The following PPP1R16B variants were observed in gnomAD, a reference collection of about 807,000 sequenced individuals.
The protein encoded by PPP1R16B is protein phosphatase 1 regulatory subunit 16B.
PPP1R16B carries 14 observed loss-of-function variants against 61.7 expected under a neutral mutation model. The observed-to-expected ratio is 0.23, with a 90% confidence interval of 0.15 to 0.35. PPP1R16B has a LOEUF of 0.35. Among genes scored for constraint, PPP1R16B ranks in the 10% least tolerant of loss-of-function variants. The pLI is 1.00. For synonymous variants in PPP1R16B, 266 were observed against 305.3 expected, an observed-to-expected ratio of 0.87 and a Z score of 1.34; for missense variants, 547 against 752.5, an observed-to-expected ratio of 0.73 and a Z score of 3.19.
At chr20:38,823,388 C>A (rs1186614682) in intron 1 of PPP1R16B, among the ~76,000 whole-genome samples, 2 of 152,178 alleles carry the variant, frequency 1.3e-5, no homozygotes, top group African/African-American at 2.4e-5. Context: ...CACCTGTAAT[C>A]CCAGCACTTT....
chr20:38,887,877 C>T (rs781325156), intron 2 of PPP1R16B, among the ~76,000 whole-genome samples: 5 of 152,206 alleles, frequency 3.3e-5, no homozygotes, highest in Admixed American at 6.5e-5. Flanking sequence ...GCCTAGGGTG[C>T]AACTGGGACT....
chr20:38,809,985 GAAAAA>G (rs11086731), intron 1 of PPP1R16B, among the ~76,000 whole-genome samples: 16 of 80,150 alleles, frequency 2.0e-4, no homozygotes, highest in African/African-American at 6.5e-4. Flanking sequence ...ACCTTGTTTC[GAAAAA>G]AAAAAAAAAA....
Position 38,918,431 on chromosome 20 carries a change from C to T in PPP1R16B, c.1469C>T (p.Ala490Val), listed in dbSNP as rs1415622812. The change falls in exon 11 of 11, where the codon GCC becomes GTC. Residue 490 changes from alanine to valine, a missense_variant. Ala to Val is a moderately conservative substitution (Grantham distance 64). Coordinates refer to ENST00000299824, the MANE Select transcript of PPP1R16B (RefSeq NM_015568.4). The surrounding 1 kb of genome is among the most constrained non-coding windows in gnomAD (Gnocchi z 5.3). Reference sequence around the variant, plus strand: ...GAGCTGAAGCGGCAGCGGGCTGCAGCCAAGCTGCTCAGCCACCCCTTCCTT... The same window carrying T: ...GAGCTGAAGCGGCAGCGGGCTGCAGTCAAGCTGCTCAGCCACCCCTTCCTT... ...LLELKRQRAAAKLLSHPFLST... is the reference protein window; with the variant it reads ...LLELKRQRAAVKLLSHPFLST... The T allele has an allele frequency of 2.5e-6, 4 of 1,614,054 alleles. No individual in the cohort carries two copies. The highest frequency in any genetic ancestry group is 2.5e-6 in the Non-Finnish European group (3 of 1,180,050).
Position 38,861,673 on chromosome 20 carries a change from C to CTTTT in PPP1R16B, c.250+25516_250+25519dup, listed in dbSNP as rs869187206. ...TGGGCCCTGGCCTGCTGCAGTTCTT[C>CTTTT]TTTTTTTTTTTTTTTTTTTTTGAGA... On this transcript the variant is annotated intron_variant, in intron 2 of 10. Transcript: ENST00000299824. 2.9e-4 allele frequency among the ~76,000 whole-genome samples: 37 copies of CTTTT among 125,584 alleles called. 2 individuals carry two copies. Among genetic ancestry groups the CTTTT allele is most frequent in the African/African-American group, 6.3e-4 (20 of 31,568 alleles). The allele number at this position is 125,584 out of a possible 152,430, so 82.4% of individuals were successfully genotyped here.
intron 2 of PPP1R16B, among the ~76,000 whole-genome samples, chr20:38,860,450 A>G (rs2085041196): frequency 6.6e-6 from 1 of 152,222 alleles, no homozygotes; most frequent in Non-Finnish European, 1.5e-5. Flanking sequence ...ATGTTGATTC[A>G]GATTAGCCAT....
At chr20:38,836,606 C>G (rs2084874582) in intron 2 of PPP1R16B, among the ~76,000 whole-genome samples, 1 of 152,214 alleles carries the variant, frequency 6.6e-6, no homozygotes. Flanking sequence ...GATCTGCCCG[C>G]CATTGGTCTC....
chr20:38,817,959 G>A (rs1381372825), intron 1 of PPP1R16B, among the ~76,000 whole-genome samples: 2 of 152,154 alleles, frequency 1.3e-5, no homozygotes, highest in Non-Finnish European at 1.5e-5. Context: ...CAGGAGAAAG[G>A]CGTGAACCCG....
intron 2 of PPP1R16B, among the ~76,000 whole-genome samples, chr20:38,839,763 A>T (rs1276860855): frequency 6.6e-6 from 1 of 151,902 alleles, no homozygotes; most frequent in Non-Finnish European, 1.5e-5. Context: ...GATCTGTGCC[A>T]TTATTTTTAT....
rs1022192408 is a variant in PPP1R16B at position 38,919,021 on chromosome 20, T to C, written c.*355T>C. 21 of 165,686 alleles carry C rather than the reference T, an allele frequency of 1.3e-4. No individual in the cohort carries two copies. The highest frequency in any genetic ancestry group is 2.5e-3 in the Middle Eastern group (1 of 404). 10.3% of individuals were successfully genotyped at this position (165,686 alleles called of 1,614,324 possible). ...ACATTAACACACACACACACACACA[T>C]ATACACACACACACAAGCTCGATCA... On this transcript the variant is annotated 3_prime_UTR_variant, in exon 11 of 11. Transcript: ENST00000299824.
chr20:38,815,065 A>T (rs1013405731), intron 1 of PPP1R16B, among the ~76,000 whole-genome samples: 103 of 152,242 alleles, frequency 6.8e-4, no homozygotes, highest in African/African-American at 2.4e-3. Flanking sequence ...TATAAACTTA[A>T]GCTTTTGTTT....
intron 1 of PPP1R16B, among the ~76,000 whole-genome samples, chr20:38,822,313 C>G (rs1437148831): frequency 6.6e-6 from 1 of 151,846 alleles, no homozygotes; most frequent in Non-Finnish European, 1.5e-5. Flanking sequence ...TGTCTTTAAA[C>G]TCCTCAAATA....
chr20:38,897,126 A>G (rs894829363), intron 4 of PPP1R16B, among the ~76,000 whole-genome samples: 1 of 152,200 alleles, frequency 6.6e-6, no homozygotes, highest in African/African-American at 2.4e-5. Flanking sequence ...AGCCTGGGCA[A>G]CAAGAGCAAA....
intron 2 of PPP1R16B, among the ~76,000 whole-genome samples, chr20:38,884,479 T>C (rs1290210179): frequency 2.0e-5 from 3 of 152,104 alleles, no homozygotes; most frequent in Non-Finnish European, 4.4e-5. Context: ...AATTCTGCTG[T>C]TGGAGGGTGA....
chr20:38,810,006 AC>A lies in PPP1R16B; in HGVS notation c.-102+4215del, dbSNP rs1403516302. 2.2e-3 allele frequency among the ~76,000 whole-genome samples: 324 copies of A among 149,292 alleles called. 3 individuals are homozygous for A. The highest frequency in any genetic ancestry group is 0.01 in the Middle Eastern group (3 of 288). On this transcript the variant is annotated intron_variant, in intron 1 of 10. Transcript: ENST00000299824. The stretch of plus-strand genomic sequence containing the variant: ...TTTCGAAAAAAAAAAAAAAAAAAAA[AC>A]AAAACCAAAAAACTTAAAAACCCAG...
chr20:38,857,297 A>G (rs945247001), intron 2 of PPP1R16B, among the ~76,000 whole-genome samples: 2 of 152,214 alleles, frequency 1.3e-5, no homozygotes, highest in Non-Finnish European at 2.9e-5. Flanking sequence ...GACAGATGCC[A>G]TGTCAAGGAT....
At chr20:38,835,712 G>C (rs1421210415) in intron 1 of PPP1R16B, 113 bp from the exon 2 acceptor site, 2 of 576,012 alleles carry the variant, frequency 3.5e-6, no homozygotes, top group Non-Finnish European at 5.9e-6. Context: ...CTCTTGAGGA[G>C]CAATGGAAGG....
At chr20:38,835,136 T>C (rs1436625639) in intron 1 of PPP1R16B, among the ~76,000 whole-genome samples, 1 of 152,212 alleles carries the variant, frequency 6.6e-6, no homozygotes, top group Non-Finnish European at 1.5e-5. Flanking sequence ...AGACCACACT[T>C]TGAGAAGCAC....
At chr20:38,888,499 G>T (rs1049255718) in intron 2 of PPP1R16B, among the ~76,000 whole-genome samples, 5 of 152,192 alleles carry the variant, frequency 3.3e-5, no homozygotes, top group Non-Finnish European at 5.9e-5. Flanking sequence ...AGCAGGCTCG[G>T]AGTCATTTGG....
intron 2 of PPP1R16B, among the ~76,000 whole-genome samples, chr20:38,855,980 A>AG (rs2085005864): frequency 3.5e-5 from 4 of 115,120 alleles, no homozygotes; most frequent in African/African-American, 1.3e-4. Flanking sequence ...AGAGAGAGAG[A>AG]GAAGGAGGAG....
Sources: gnomAD v4.1 joint callset for allele counts (sites outside exome capture counted in the v4.1 genomes callset) on GRCh38, gnomAD v4.1.1 for gene constraint, Gnocchi (gnomAD v3.1) non-coding constraint, MANE v1.5 for transcripts, NCBI Gene and HGNC (gene_info 2026-07-23, HGNC 2026-07-21) for gene names.